RFX8: variants seen among roughly 807,000 people sequenced by gnomAD.
The protein encoded by RFX8 is DNA-binding protein RFX8.
Under a neutral mutation model 54.6 loss-of-function variants are expected in RFX8, and 46 were observed. The observed-to-expected ratio is 0.84, with a 90% CI of 0.67 to 1.08. The LOEUF is 1.08. Ranked by LOEUF, RFX8 falls within the 50% of genes least tolerant of loss-of-function variation. The pLI is 0.00. For missense variants in RFX8, 536 were observed against 562.3 expected, an observed-to-expected ratio of 0.95 and a Z score of 0.47; for synonymous variants, 192 against 209.5, an observed-to-expected ratio of 0.92 and a Z score of 0.72.
At chr2:101,408,100 C>CTTGG in intron 9 of RFX8, among the ~76,000 whole-genome samples, 1 of 152,310 alleles carries the variant, frequency 6.6e-6, no homozygotes, top group East Asian at 1.9e-4. Flanking sequence ...GAAGGCACAA[C>CTTGG]GATGGAGACT....
intron 2 of RFX8, chr2:101,450,592 A>C: frequency 1.4e-6 from 2 of 1,444,294 alleles, no homozygotes; most frequent in Non-Finnish European, 1.9e-6. Flanking sequence ...ATAGCTACTA[A>C]CCTGTGATAC....
intron 2 of RFX8, among the ~76,000 whole-genome samples, chr2:101,461,262 C>CAAAAAAAAAAAAAAAAAAAAAAAAAA (rs11350961): frequency 1.1e-5 from 1 of 89,908 alleles, no homozygotes. Flanking sequence ...GACTCCATCT[C>CAAAAAAAAAAAAAAAAAAAAAAAAAA]AAAAAAAAAA....
intron 1 of RFX8, among the ~76,000 whole-genome samples, chr2:101,473,313 A>G (rs1259130543): frequency 6.6e-6 from 1 of 152,218 alleles, no homozygotes; most frequent in African/African-American, 2.4e-5. Context: ...TCTAAGAACG[A>G]TGCATGAGGG....
intron 7 of RFX8, among the ~76,000 whole-genome samples, chr2:101,413,355 A>G (rs936737245): frequency 2.6e-5 from 4 of 152,264 alleles, no homozygotes; most frequent in African/African-American, 9.6e-5. Context: ...CCCACGCCCA[A>G]ATGACTCTAG....
At chr2:101,428,899 T>A in intron 2 of RFX8, 3 of 1,035,276 alleles carry the variant, frequency 2.9e-6, no homozygotes, top group Non-Finnish European at 4.3e-6. Context: ...AATTAAGCAA[T>A]CACTGGTATT....
At chr2:101,398,311 G>A (rs953724056) in intron 11 of RFX8, among the ~76,000 whole-genome samples, 9 of 152,094 alleles carry the variant, frequency 5.9e-5, no homozygotes, top group African/African-American at 1.4e-4. Flanking sequence ...AAATGTCCTC[G>A]TGAGAGCAAA....
chr2:101,404,939 T>C (rs1450666259), intron 10 of RFX8, among the ~76,000 whole-genome samples: 1 of 152,162 alleles, frequency 6.6e-6, no homozygotes, highest in Non-Finnish European at 1.5e-5. Flanking sequence ...TTTCTCTTCC[T>C]TCTTGCTGTG....
chr2:101,450,415 G>A (rs1422159190), intron 2 of RFX8, among the ~76,000 whole-genome samples: 3 of 152,076 alleles, frequency 2.0e-5, no homozygotes, highest in African/African-American at 7.2e-5. Flanking sequence ...TAGAGATGGA[G>A]ATTTGCCATG....
intron 2 of RFX8, among the ~76,000 whole-genome samples, chr2:101,465,288 C>T (rs1252986327): frequency 3.9e-5 from 6 of 152,078 alleles, no homozygotes; most frequent in Admixed American, 6.5e-5. Flanking sequence ...GGGCAGATCA[C>T]GAGGTCGGGA....
intron 1 of RFX8, among the ~76,000 whole-genome samples, chr2:101,471,882 G>T (rs76913368): frequency 0.026 from 3,937 of 152,288 alleles, 185 homozygotes; most frequent in African/African-American, 0.086. Flanking sequence ...GAAGTAATGT[G>T]GAAAATGGCA....
chr2:101,449,536 G>A (rs1482491399), intron 2 of RFX8, among the ~76,000 whole-genome samples: 1 of 152,152 alleles, frequency 6.6e-6, no homozygotes, highest in African/African-American at 2.4e-5. Flanking sequence ...CTTTGTATAG[G>A]TTCTATCTGT....
intron 6 of RFX8, among the ~76,000 whole-genome samples, chr2:101,415,939 G>A (rs1686476511): frequency 6.6e-6 from 1 of 152,226 alleles, no homozygotes; most frequent in South Asian, 2.1e-4. Flanking sequence ...GGGGCAGGAG[G>A]CAGTCCAAGC....
At chr2:101,400,953 A>C (rs1453517377) in intron 11 of RFX8, among the ~76,000 whole-genome samples, 2 of 152,174 alleles carry the variant, frequency 1.3e-5, no homozygotes, top group Non-Finnish European at 2.9e-5. Context: ...CTTTCTGCCA[A>C]CTGTCTGGAA....
chr2:101,471,160 C>T (rs1436673023), intron 1 of RFX8, among the ~76,000 whole-genome samples: 1 of 151,846 alleles, frequency 6.6e-6, no homozygotes, highest in Non-Finnish European at 1.5e-5. Flanking sequence ...ATGGCGAAAC[C>T]CCGTCTCTAC....
chr2:101,448,023 G>A (rs1174267399), intron 2 of RFX8, among the ~76,000 whole-genome samples: 2 of 152,198 alleles, frequency 1.3e-5, no homozygotes, highest in African/African-American at 2.4e-5. Flanking sequence ...AGACGAAAGG[G>A]CCAGCTAGCT....
intron 2 of RFX8, among the ~76,000 whole-genome samples, chr2:101,457,169 T>C (rs915565101): frequency 6.6e-5 from 10 of 152,208 alleles, no homozygotes; most frequent in Admixed American, 5.2e-4. Context: ...CTTGGATTCA[T>C]TGATTTTTTT....
chr2:101,404,257 C>T (rs183001870), intron 10 of RFX8, among the ~76,000 whole-genome samples: 11 of 152,304 alleles, frequency 7.2e-5, no homozygotes, highest in East Asian at 1.9e-4. Flanking sequence ...TCATTGCCCC[C>T]GTGGAAGGCA....
intron 2 of RFX8, among the ~76,000 whole-genome samples, chr2:101,438,603 G>A (rs1053985936): frequency 6.6e-6 from 1 of 152,188 alleles, no homozygotes; most frequent in Non-Finnish European, 1.5e-5. Flanking sequence ...TGCCCAAGGT[G>A]CAGTTGCTGG....
intron 1 of RFX8, among the ~76,000 whole-genome samples, chr2:101,468,876 T>C (rs1199263288): frequency 2.0e-5 from 3 of 149,928 alleles, no homozygotes; most frequent in Non-Finnish European, 3.0e-5. Context: ...ACTGCATCAA[T>C]TATTTGGCTC....
Sources: gnomAD v4.1 joint callset for allele counts (sites outside exome capture counted in the v4.1 genomes callset) on GRCh38, gnomAD v4.1.1 for gene constraint, MANE v1.5 for transcripts, NCBI Gene and HGNC (gene_info 2026-07-23, HGNC 2026-07-21) for gene names.